Variants in BRD7 observed in about 807,000 individuals in gnomAD.
BRD7 encodes the protein bromodomain containing 7.
BRD7 carries 15 observed loss-of-function variants against 82.1 expected under a neutral mutation model. That is an observed-to-expected ratio of 0.18 (90% CI 0.12 to 0.28). BRD7 has a LOEUF of 0.28. BRD7 is among the 10% of genes least tolerant of loss of function. The pLI, the probability that BRD7 is intolerant of heterozygous loss-of-function variation, is 1.00. For synonymous variants in BRD7, 232 were observed against 266.9 expected (o/e 0.87, Z 1.27); for missense variants, 638 against 779.9 (o/e 0.82, Z 2.17).
intron 2 of BRD7, among the ~76,000 whole-genome samples, chr16:50,357,656 C>G (rs1273950392): frequency 1.3e-5 from 2 of 152,124 alleles, no homozygotes; most frequent in African/African-American, 4.8e-5. Flanking sequence ...TGCCAAGAGT[C>G]TAGAACTGGG....
chr16:50,340,566 C>T (rs1342960541), intron 5 of BRD7, among the ~76,000 whole-genome samples: 1 of 152,132 alleles, frequency 6.6e-6, no homozygotes, highest in Admixed American at 6.5e-5. Context: ...CCTAAATTAT[C>T]GCAGTATTTC....
At chr16:50,355,498 C>T (rs1320879101) in intron 2 of BRD7, among the ~76,000 whole-genome samples, 4 of 152,194 alleles carry the variant, frequency 2.6e-5, no homozygotes, top group Non-Finnish European at 5.9e-5. Context: ...CAATGTGGGT[C>T]TGACACACAG....
chr16:50,358,181 C>CTGT (rs1567287732), intron 2 of BRD7, among the ~76,000 whole-genome samples: 1 of 152,234 alleles, frequency 6.6e-6, no homozygotes, highest in East Asian at 1.9e-4. Context: ...TTTACAAAAA[C>CTGT]TGTTGGCCAA....
rs78557784 is a variant in BRD7 at position 50,323,658 on chromosome 16, C to T, written c.1372G>A (p.Val458Ile). The change falls in exon 12 of 17, where the codon GTC (valine) becomes ATC (isoleucine). Residue 458 changes from valine to isoleucine, a missense_variant. This residue lies in a region of BRD7 where 402 missense variants were observed against 500.8 expected (regional missense o/e 0.80). Transcript: ENST00000394688. ...FLATCQDYPY[V>I]MADSLLDVLT... ...ACATCCAGTAAACTATCTGCCATGACATACGGATAATCTTGGCACGTGGCC... is the reference window on the plus strand; with the variant it reads ...ACATCCAGTAAACTATCTGCCATGATATACGGATAATCTTGGCACGTGGCC... 4,347 of 1,613,864 alleles carry T rather than the reference C, an allele frequency of 2.7e-3. 67 individuals carry two copies. In the African/African-American group the frequency reaches 0.046, roughly 17 times the overall value.
At chr16:50,339,409 T>C (rs1480372091) in intron 6 of BRD7, among the ~76,000 whole-genome samples, 1 of 152,248 alleles carries the variant, frequency 6.6e-6, no homozygotes, top group East Asian at 1.9e-4. Flanking sequence ...GCTAGGAACC[T>C]ATACAGCATG....
chr16:50,354,316 C>T, intron 4 of BRD7, 109 bp downstream of exon 4: 1 of 887,220 alleles, frequency 1.1e-6, no homozygotes. Flanking sequence ...AAATATTTAT[C>T]ATTCACTTTA....
chr16:50,344,915 A>G (rs1256574997), intron 5 of BRD7, among the ~76,000 whole-genome samples: 1 of 152,188 alleles, frequency 6.6e-6, no homozygotes, highest in Non-Finnish European at 1.5e-5. Context: ...AAATACAGAG[A>G]ATGCCACAAA....
At chr16:50,353,218 A>G (rs781676380) in intron 4 of BRD7, among the ~76,000 whole-genome samples, 19 of 151,952 alleles carry the variant, frequency 1.3e-4, no homozygotes, top group Admixed American at 9.2e-4. Context: ...GGTGTGTGCA[A>G]CCACACTAGG....
At chr16:50,344,140 C>CCAGA (rs138306710) in intron 5 of BRD7, among the ~76,000 whole-genome samples, 150,590 of 152,204 alleles carry the variant, frequency 0.99, 74,517 homozygotes, top group Middle Eastern at 1. Context: ...CTGGTGATAC[C>CCAGA]CAAACAGGGT....
intron 6 of BRD7, among the ~76,000 whole-genome samples, chr16:50,336,048 C>T (rs959799865): frequency 9.9e-5 from 15 of 152,108 alleles, no homozygotes; most frequent in Non-Finnish European, 8.8e-5. Flanking sequence ...CATTACATAA[C>T]CCAGCAAATT....
chr16:50,349,054 C>A (rs1200578098), intron 5 of BRD7: 1 of 154,012 alleles, frequency 6.5e-6, no homozygotes, highest in Admixed American at 6.4e-5. Flanking sequence ...GGCACATATA[C>A]ACCATGGAAT....
chr16:50,337,414 C>CCA (rs1005017789), intron 6 of BRD7, among the ~76,000 whole-genome samples: 1 of 151,930 alleles, frequency 6.6e-6, no homozygotes, highest in Non-Finnish European at 1.5e-5. Context: ...GCATGCACCA[C>CCA]CACGCCCAAC....
At chr16:50,330,323 T>C (rs1000118189) in intron 8 of BRD7, among the ~76,000 whole-genome samples, 1 of 146,766 alleles carries the variant, frequency 6.8e-6, no homozygotes. Context: ...ACAAGTTAAG[T>C]TGAAAAGAGG....
At chr16:50,320,876 C>A in intron 13 of BRD7, 102 bp from the exon 14 acceptor site, 1 of 789,872 alleles carries the variant, frequency 1.3e-6, no homozygotes, top group Non-Finnish European at 2.2e-6. Context: ...CAAAGTTATT[C>A]TACCTATTTA....
At chr16:50,368,668 G>GCTC (rs2039252503) in intron 1 of BRD7, 58 bp downstream of exon 1, 21 of 1,525,440 alleles carry the variant, frequency 1.4e-5, no homozygotes, top group Non-Finnish European at 1.9e-5. Context: ...CTGGGAAAGA[G>GCTC]CGGAAGCCCG....
chr16:50,363,902 T>A (rs1286796507), intron 2 of BRD7, among the ~76,000 whole-genome samples: 1 of 151,870 alleles, frequency 6.6e-6, no homozygotes, highest in African/African-American at 2.4e-5. Context: ...CAAAAGAATG[T>A]TTTTGAAAAA....
chr16:50,337,384 C>G (rs1402678108), intron 6 of BRD7, among the ~76,000 whole-genome samples: 1 of 151,468 alleles, frequency 6.6e-6, no homozygotes, highest in African/African-American at 2.4e-5. Context: ...CCTCAGCCTC[C>G]TGAGTAGCTG....
In BRD7 at chr16:50,322,176, A is replaced by G; in HGVS notation, c.1444-138T>C. 4.7e-6 allele frequency: 3 copies of G among 645,054 alleles called. No homozygotes were observed. The South Asian group carries it at 6.3e-5, about 14-fold the overall frequency. The allele number at this position is 645,054 out of a possible 1,614,324, so 40.0% of individuals were successfully genotyped here. A position where few individuals can be genotyped will look rare whatever the true frequency, so the allele number is the denominator to read the frequency against. On this transcript the variant is annotated intron_variant, in intron 12 of 16. Coordinates refer to ENST00000394688, the MANE Select transcript of BRD7 (RefSeq NM_013263.5). ...CTACTGGAATATAATTTTTCAGGCC[A>G]AAATGACTAAATATAATTATTAGCA...
chr16:50,325,691 T>G, intron 11 of BRD7, 57 bp downstream of exon 11: 1 of 1,481,836 alleles, frequency 6.7e-7, no homozygotes, highest in Non-Finnish European at 9.0e-7. Flanking sequence ...CCACAAATCA[T>G]GTATGTACTT....
Sources: allele counts gnomAD v4.1 joint callset (sites outside exome capture counted in the v4.1 genomes callset), GRCh38; gene constraint gnomAD v4.1.1; regional missense constraint gnomAD v4.1.1; transcripts MANE v1.5; gene names NCBI Gene and HGNC (gene_info 2026-07-23, HGNC 2026-07-21).